Variants in PTPRD observed in about 807,000 individuals in gnomAD.
The protein encoded by PTPRD is receptor-type tyrosine-protein phosphatase delta.
In PTPRD, 34 loss-of-function variants were observed where a neutral mutation model predicts 214.5. That is an observed-to-expected ratio of 0.16 (90% CI 0.12 to 0.21). The LOEUF (loss-of-function observed/expected upper bound fraction) is 0.21, where lower values mean the gene tolerates loss of function less well. Among genes scored for constraint, PTPRD ranks in the 10% least tolerant of loss-of-function variants. The pLI is 1.00. For synonymous variants in PTPRD, 1,128 were observed against 845.7 expected (o/e 1.33, Z -5.79); for missense variants, 2,545 against 2,398.7 (o/e 1.06, Z -1.27).
chr9:9,525,226 A>G (rs2073841265), intron 8 of PTPRD, among the ~76,000 whole-genome samples: 1 of 152,116 alleles, frequency 6.6e-6, no homozygotes, highest in Non-Finnish European at 1.5e-5. Flanking sequence ...AGATCTGGGT[A>G]TCTGGTCCTC....
intron 10 of PTPRD, among the ~76,000 whole-genome samples, chr9:9,117,880 T>TA (rs562564705): frequency 7.9e-4 from 117 of 148,346 alleles, no homozygotes; most frequent in East Asian, 4.5e-3. Context: ...AAAGAAAATT[T>TA]AAAAAAAAAA....
intron 11 of PTPRD, among the ~76,000 whole-genome samples, chr9:8,951,748 A>C (rs540971907): frequency 6.6e-6 from 1 of 152,100 alleles, no homozygotes; most frequent in Non-Finnish European, 1.5e-5. Flanking sequence ...CAACACTATC[A>C]CCACAGCACC....
At chr9:8,787,531 A>G (rs1030678251) in intron 11 of PTPRD, among the ~76,000 whole-genome samples, 3 of 152,146 alleles carry the variant, frequency 2.0e-5, no homozygotes, top group Non-Finnish European at 4.4e-5. Flanking sequence ...AATAATCTAT[A>G]TTGGTTAAAA....
intron 9 of PTPRD, among the ~76,000 whole-genome samples, chr9:9,237,576 C>T (rs1594262771): frequency 6.6e-6 from 1 of 152,138 alleles, no homozygotes; most frequent in Non-Finnish European, 1.5e-5. Flanking sequence ...TCTTCCCTTC[C>T]CCCAAAGCCA....
intron 34 of PTPRD, chr9:8,437,285 C>T: frequency 7.6e-7 from 1 of 1,319,948 alleles, no homozygotes; most frequent in Non-Finnish European, 1.0e-6. Flanking sequence ...AGAACAAATT[C>T]TTCAAAAAAA....
chr9:10,468,665 T>C (rs945831666), intron 2 of PTPRD, among the ~76,000 whole-genome samples: 6 of 151,882 alleles, frequency 4.0e-5, no homozygotes, highest in African/African-American at 1.5e-4. Flanking sequence ...TTAAAAAGAA[T>C]AAAGGAAGTC....
intron 2 of PTPRD, among the ~76,000 whole-genome samples, chr9:10,479,988 G>A (rs1040687629): frequency 6.6e-6 from 1 of 152,100 alleles, no homozygotes; most frequent in Non-Finnish European, 1.5e-5. Context: ...TAATAAAAAG[G>A]GAGAAGTCTG....
At chr9:10,326,266 A>G (rs1182671357) in intron 3 of PTPRD, among the ~76,000 whole-genome samples, 1 of 138,558 alleles carries the variant, frequency 7.2e-6, no homozygotes, top group Non-Finnish European at 1.6e-5. Flanking sequence ...GCTAATGTCC[A>G]AAAAAGAGTT....
In PTPRD at chr9:10,334,231, C is replaced by T. The variant is rs116479328; in HGVS notation, c.-545+6732G>A. On this transcript the variant is annotated intron_variant, in intron 3 of 45. Transcript: ENST00000381196. ...GGTTATAAGATAATAGGCAAATATA[C>T]CTATATGTTATATCAAATGTTAAAA... 4.1e-3 allele frequency among the ~76,000 whole-genome samples: 627 copies of T among 151,714 alleles called. 8 individuals are homozygous for T. The highest frequency in any genetic ancestry group is 0.014 in the African/African-American group (591 of 41,452).
chr9:8,997,420 A>G (rs745515835), intron 11 of PTPRD, among the ~76,000 whole-genome samples: 9 of 152,042 alleles, frequency 5.9e-5, no homozygotes, highest in Non-Finnish European at 1.2e-4. Context: ...CATATCTGTT[A>G]TAGTCTGCGA....
rs562994822 is a variant in PTPRD, at chr9:10,343,362, T to C, written c.-599-2345A>G. ...ATGGTGTATATGTGCCAAATTTTCT[T>C]AATCCAGTCTGTCATTGATGGACAT... On this transcript the variant is annotated intron_variant, in intron 2 of 45. Coordinates refer to ENST00000381196, the MANE Select transcript of PTPRD (RefSeq NM_002839.4). Among the ~76,000 whole-genome samples the C allele has an allele frequency of 2.0e-5, 3 of 152,330 alleles. No homozygotes were observed. In the East Asian group the frequency reaches 5.8e-4, roughly 29 times the overall value.
chr9:8,499,100 T>C (rs538194978), intron 25 of PTPRD, among the ~76,000 whole-genome samples: 6 of 152,274 alleles, frequency 3.9e-5, no homozygotes, highest in South Asian at 2.1e-4. Flanking sequence ...ATTTTTAATA[T>C]CATTGTAACG....
At chr9:9,775,030 G>A (rs978125477) in intron 5 of PTPRD, among the ~76,000 whole-genome samples, 12 of 152,262 alleles carry the variant, frequency 7.9e-5, no homozygotes, top group African/African-American at 2.6e-4. Flanking sequence ...AAGGAGACAA[G>A]ATGAAGGAAG....
intron 11 of PTPRD, among the ~76,000 whole-genome samples, chr9:8,914,064 AC>A (rs2098767503): frequency 6.6e-6 from 1 of 152,278 alleles, no homozygotes; most frequent in African/African-American, 2.4e-5. Context: ...ATGAATACGT[AC>A]TAAAATTGAA....
At chr9:8,606,786 T>C (rs1195455663) in intron 14 of PTPRD, among the ~76,000 whole-genome samples, 1 of 152,248 alleles carries the variant, frequency 6.6e-6, no homozygotes, top group Non-Finnish European at 1.5e-5. Context: ...CCTCCTTAGT[T>C]GCCACATTTT....
At chr9:9,422,084 T>C (rs1490280782) in intron 8 of PTPRD, among the ~76,000 whole-genome samples, 1 of 152,184 alleles carries the variant, frequency 6.6e-6, no homozygotes, top group Non-Finnish European at 1.5e-5. Flanking sequence ...TGAGAATATC[T>C]GTAAACATGT....
chr9:8,483,709 G>T (rs905455655), intron 30 of PTPRD, among the ~76,000 whole-genome samples: 2 of 152,202 alleles, frequency 1.3e-5, no homozygotes, highest in Non-Finnish European at 2.9e-5. Flanking sequence ...AACCCGGGAG[G>T]TGGAGGTTGC....
chr9:9,344,569 T>C (rs929299411), intron 9 of PTPRD, among the ~76,000 whole-genome samples: 1 of 152,124 alleles, frequency 6.6e-6, no homozygotes, highest in African/African-American at 2.4e-5. Flanking sequence ...GCATTTGTGA[T>C]ACTTGTGTTC....
chr9:8,515,925 T>G (rs2097774253), intron 21 of PTPRD, among the ~76,000 whole-genome samples: 1 of 152,054 alleles, frequency 6.6e-6, no homozygotes, highest in African/African-American at 2.4e-5. Flanking sequence ...ACTAGAAAAC[T>G]GAAGTTCAGA....
Sources: allele counts gnomAD v4.1 joint callset (sites outside exome capture counted in the v4.1 genomes callset), GRCh38; gene constraint gnomAD v4.1.1; transcripts MANE v1.5; gene names NCBI Gene and HGNC (gene_info 2026-07-23, HGNC 2026-07-21).